Variants in PRDM1 observed in about 807,000 individuals in gnomAD.
PRDM1 encodes the protein PR/SET domain 1.
PRDM1 carries 13 observed loss-of-function variants against 62.8 expected under a neutral mutation model. That is an observed-to-expected ratio of 0.21 (90% CI 0.13 to 0.33). The LOEUF (loss-of-function observed/expected upper bound fraction) is 0.33. PRDM1 is among the 10% of genes least tolerant of loss of function. The probability of loss-of-function intolerance (pLI) is 1.00; values close to 1 mark genes in which losing one functional copy is unlikely to be tolerated. For missense variants in PRDM1, 895 were observed against 1,058.8 expected (o/e 0.85, Z 2.15); for synonymous variants, 396 against 417.6 (o/e 0.95, Z 0.63).
chr6:106,105,644 C>T lies in PRDM1; in HGVS notation c.1484C>T (p.Ala495Val), dbSNP rs1203176627. Reference sequence around the variant, plus strand: ...GTGCTTGTCCCGGCGCCCCACAGTGCCTTCTCCTTTACCGGGGCCGCCGCC... The same window carrying T: ...GTGCTTGTCCCGGCGCCCCACAGTGTCTTCTCCTTTACCGGGGCCGCCGCC... ...REVLVPAPHS[A>V]FSFTGAAASM... Residue 495 changes from alanine (A) to valine (V), a missense_variant, in exon 5 of 7, where the codon GCC (alanine) becomes GTC (valine). By Grantham distance (64) the Ala-to-Val change is moderately conservative (BLOSUM62 0). Coordinates refer to ENST00000369096, the MANE Select transcript of PRDM1 (RefSeq NM_001198.4). 2 of 1,613,228 alleles carry T rather than the reference C, an allele frequency of 1.2e-6. No homozygotes were observed. The highest frequency in any genetic ancestry group is 8.5e-7 in the Non-Finnish European group (1 of 1,179,420).
intron 1 of PRDM1, among the ~76,000 whole-genome samples, chr6:106,017,911 C>T (rs969645843): frequency 1.3e-5 from 2 of 152,094 alleles, no homozygotes; most frequent in African/African-American, 2.4e-5. Context: ...TTATTTCAAA[C>T]GTGTGCCTCT....
upstream of PRDM1, among the ~76,000 whole-genome samples, chr6:106,043,621 C>T (rs1365066911): frequency 2.6e-5 from 4 of 152,128 alleles, no homozygotes; most frequent in Non-Finnish European, 5.9e-5. Context: ...GCAACCTCCG[C>T]CTCTCCCGGG....
At chr6:106,030,939 G>C (rs1388334504) in intron 1 of PRDM1, among the ~76,000 whole-genome samples, 1 of 150,336 alleles carries the variant, frequency 6.7e-6, no homozygotes, top group African/African-American at 2.4e-5. Context: ...GGAAGAATAT[G>C]CCTAAAGAAG....
At chr6:106,004,426 T>C (rs1021956050) in intron 1 of PRDM1, among the ~76,000 whole-genome samples, 2 of 152,236 alleles carry the variant, frequency 1.3e-5, no homozygotes, top group African/African-American at 4.8e-5. Context: ...TTGACTAATA[T>C]TGTTTAAGAG....
In PRDM1 at chr6:106,058,521, C is replaced by A. The variant is rs558036978; in HGVS notation, c.-67+9807C>A. Among the ~76,000 whole-genome samples the A allele has an allele frequency of 2.0e-5, 3 of 152,300 alleles. No homozygotes were observed. In the South Asian group the frequency reaches 6.2e-4, roughly 32 times the overall value. ...CATTGCAGCCTCAAGACAATTGATT[C>A]TGGCCTCCATGTGCTTCCACTTTGG... is the stretch of plus-strand genomic sequence containing the variant. On this transcript the variant is annotated intron_variant, in intron 1 of 6. Transcript: ENST00000651185.
chr6:106,066,994 T>G (rs1342204232), intron 1 of PRDM1, among the ~76,000 whole-genome samples: 2 of 152,152 alleles, frequency 1.3e-5, no homozygotes, highest in Non-Finnish European at 2.9e-5. Flanking sequence ...GTGAACTTAG[T>G]GCTATTATTA....
chr6:106,047,763 A>G (rs1017783207), upstream of PRDM1, among the ~76,000 whole-genome samples: 7 of 152,336 alleles, frequency 4.6e-5, no homozygotes, highest in East Asian at 3.9e-4. Flanking sequence ...AGGAGTTGAG[A>G]ACCTTTGATA....
chr6:106,106,323 C>T lies in PRDM1; in HGVS notation c.1774-48C>T. 6.2e-7 allele frequency: 1 copy of T among 1,605,470 alleles called. No homozygotes were observed. Among genetic ancestry groups the T allele is most frequent in the Middle Eastern group, 1.8e-4 (1 of 5,690 alleles). ...GAGTCTTGGAGCAGAAATGTTAGGTCTCAGAGCCAGCTTGAGAGCAGAGCT... is the reference window on the plus strand; with the variant it reads ...GAGTCTTGGAGCAGAAATGTTAGGTTTCAGAGCCAGCTTGAGAGCAGAGCT... On this transcript the variant is annotated intron_variant, in intron 5 of 6. Coordinates refer to ENST00000369096, the MANE Select transcript of PRDM1 (RefSeq NM_001198.4). The surrounding 1 kb of genome is among the most constrained non-coding windows in gnomAD (Gnocchi z 4.4).
At chr6:106,033,134 C>G (rs1035421590) in intron 1 of PRDM1, among the ~76,000 whole-genome samples, 1 of 149,494 alleles carries the variant, frequency 6.7e-6, no homozygotes, top group South Asian at 2.1e-4. Flanking sequence ...ACCATCTAAC[C>G]TTTTTTTAAA....
intron 1 of PRDM1, chr6:106,072,183 G>T (rs771042161): frequency 3.3e-5 from 5 of 152,226 alleles, no homozygotes; most frequent in Non-Finnish European, 7.3e-5. Context: ...GTGAGGAAAA[G>T]ATGTCCTTCA....
chr6:106,018,781 C>T lies in PRDM1; in HGVS notation c.-67+25142C>T, dbSNP rs910951706. On this transcript the variant is annotated intron_variant, in intron 1 of 6. Coordinates refer to the PRDM1 transcript ENST00000652320. ...ATGACTTATCACTGTCGACGTTAACCTGGATCACCTAGCTGAGGTGGTGTT... is the reference window on the plus strand; with the variant it reads ...ATGACTTATCACTGTCGACGTTAACTTGGATCACCTAGCTGAGGTGGTGTT... Among the ~76,000 whole-genome samples, 5 of 152,176 alleles carry T rather than the reference C, an allele frequency of 3.3e-5. No homozygotes were observed. In the East Asian group the frequency reaches 9.6e-4, roughly 29 times the overall value.
intron 1 of PRDM1, among the ~76,000 whole-genome samples, chr6:106,000,975 T>C (rs1198525432): frequency 6.6e-6 from 1 of 152,224 alleles, no homozygotes; most frequent in Non-Finnish European, 1.5e-5. Flanking sequence ...TCAGAGTGGT[T>C]GCATTAATTT....
chr6:106,006,914 G>A lies in PRDM1; in HGVS notation c.-67+13275G>A, dbSNP rs188922259. 1.6e-3 allele frequency among the ~76,000 whole-genome samples: 246 copies of A among 152,042 alleles called. 3 individuals carry two copies. The highest frequency in any genetic ancestry group is 3.1e-3 in the Non-Finnish European group (212 of 67,952). On this transcript the variant is annotated intron_variant, in intron 1 of 6. Transcript: ENST00000652320. ...TCTTCAAACTCTCTGCTCAGTGATC[G>A]TTTATGGCACTTGTGTGTAATTTGG... is the stretch of plus-strand genomic sequence containing the variant.
In PRDM1 at chr6:106,109,403, T is replaced by C. The variant is rs1241999460; in HGVS notation, c.*1917T>C. On this transcript the variant is annotated 3_prime_UTR_variant, in exon 7 of 7. Coordinates refer to ENST00000369096, the MANE Select transcript of PRDM1 (RefSeq NM_001198.4). ...TGTTTTCCTCCTTACTAAATACTGATACATTACTCCAATCTATTTTATAAT... is the reference window on the plus strand; with the variant it reads ...TGTTTTCCTCCTTACTAAATACTGACACATTACTCCAATCTATTTTATAAT... 1.3e-5 allele frequency: 3 copies of C among 233,240 alleles called. No homozygotes were observed. The Admixed American group carries it at 1.7e-4, about 13-fold the overall frequency. The allele number at this position is 233,240 out of a possible 1,614,324, so 14.4% of individuals were successfully genotyped here. A position where few individuals can be genotyped will look rare whatever the true frequency, so the allele number is the denominator to read the frequency against.
At chr6:106,096,983 C>T (rs143566935) in intron 3 of PRDM1, among the ~76,000 whole-genome samples, 30 of 152,218 alleles carry the variant, frequency 2.0e-4, no homozygotes, top group East Asian at 1.4e-3. Flanking sequence ...TTATATCGTT[C>T]GGACAAGAAG....
At chr6:106,074,676 GA>G (rs1218848262) in intron 1 of PRDM1, among the ~76,000 whole-genome samples, 1 of 152,078 alleles carries the variant, frequency 6.6e-6, no homozygotes, top group Non-Finnish European at 1.5e-5. Context: ...GACGAGGGGG[GA>G]TATAAATATC....
chr6:106,024,430 G>A (rs1268225054), intron 1 of PRDM1, among the ~76,000 whole-genome samples: 13 of 152,034 alleles, frequency 8.6e-5, no homozygotes, highest in Non-Finnish European at 2.9e-5. Flanking sequence ...AAATACTCTC[G>A]ACACCTTATT....
chr6:106,074,292 T>C (rs563745453), intron 1 of PRDM1, among the ~76,000 whole-genome samples: 1 of 152,338 alleles, frequency 6.6e-6, no homozygotes, highest in South Asian at 2.1e-4. Flanking sequence ...TTTCTTCCTT[T>C]ATGAAATTAA....
chr6:106,033,149 G>GT (rs1772870818), intron 1 of PRDM1, among the ~76,000 whole-genome samples: 1 of 150,726 alleles, frequency 6.6e-6, no homozygotes, highest in African/African-American at 2.4e-5. Flanking sequence ...TTTAAAATCT[G>GT]TTTTTTAAGA....
Sources: allele counts gnomAD v4.1 joint callset (sites outside exome capture counted in the v4.1 genomes callset), GRCh38; gene constraint gnomAD v4.1.1; non-coding constraint Gnocchi (gnomAD v3.1); transcripts MANE v1.5; gene names NCBI Gene and HGNC (gene_info 2026-07-23, HGNC 2026-07-21).